Variants in IGLL1 observed in about 807,000 individuals in gnomAD.
IGLL1 encodes the protein immunoglobulin lambda-like polypeptide 1.
IGLL1 carries 10 observed loss-of-function variants against 10.5 expected under a neutral mutation model. The ratio of observed to expected loss-of-function variants is 0.95; its 90% confidence interval spans 0.59 to 1.62. IGLL1 has a LOEUF of 1.62. IGLL1 is among the 40% of genes most tolerant of loss of function. The pLI is 0.00. For missense variants in IGLL1, 284 were observed against 278.7 expected, an observed-to-expected ratio of 1.02 and a Z score of -0.14; for synonymous variants, 141 against 122.7, an observed-to-expected ratio of 1.15 and a Z score of -0.99.
intron 2 of IGLL1, 46 bp downstream of exon 2, chr22:23,574,921 A>C: frequency 3.8e-6 from 5 of 1,314,188 alleles, no homozygotes; most frequent in African/African-American, 1.5e-5. Flanking sequence ...CACATTTTCC[A>C]GAGACAGGAG....
chr22:23,579,902 C>G lies in IGLL1; in HGVS notation c.206+83G>C, dbSNP rs1925252469. 9 of 1,161,968 alleles carry G rather than the reference C, an allele frequency of 7.7e-6. No homozygotes were observed. The East Asian group carries it at 2.3e-4, about 30-fold the overall frequency. The allele number at this position is 1,161,968 out of a possible 1,614,324, so 72.0% of individuals were successfully genotyped here. On this transcript the variant is annotated intron_variant, in intron 1 of 2. Transcript: ENST00000330377. Reference sequence around the variant, plus strand: ...CCAGGGATTAACCTTCCTCCTCACCCCTCTGGCTCGTCTCCCCTTGGTCAT... The same window carrying G: ...CCAGGGATTAACCTTCCTCCTCACCGCTCTGGCTCGTCTCCCCTTGGTCAT...
Position 23,575,375 on chromosome 22 carries a change from C to T in IGLL1, c.207-293G>A, listed in dbSNP as rs556649447. On this transcript the variant is annotated intron_variant, in intron 1 of 2. Transcript: ENST00000330377. ...CGGACCTGTCCACCTCACTTGGCCT[C>T]ATTTTAAGGGCCTCTGAAATCTGCC... Among the ~76,000 whole-genome samples the T allele has an allele frequency of 5.9e-5, 9 of 152,260 alleles. No homozygotes were observed. The South Asian group carries it at 1.9e-3, about 32-fold the overall frequency.
At chr22:23,577,868 A>G (rs1401496472) in intron 1 of IGLL1, among the ~76,000 whole-genome samples, 3 of 148,452 alleles carry the variant, frequency 2.0e-5, no homozygotes, top group Non-Finnish European at 3.0e-5. Context: ...ACTCATATTC[A>G]TATCCCCCCC....
At chr22:23,574,757 G>A (rs898302155) in intron 2 of IGLL1, among the ~76,000 whole-genome samples, 1 of 152,170 alleles carries the variant, frequency 6.6e-6, no homozygotes, top group East Asian at 1.9e-4. Flanking sequence ...GCTGTGTCCT[G>A]CTGTTGGAAC....
In IGLL1 at chr22:23,578,792, T is replaced by TA. The variant is rs559191557; in HGVS notation, c.206+1192dup. 1.9e-3 allele frequency among the ~76,000 whole-genome samples: 290 copies of TA among 150,496 alleles called. 6 individuals carry two copies. The South Asian group carries it at 0.038, about 20-fold the overall frequency. ...CAACATGGTGAAACTCTGTCTTTAC[T>TA]AAAAAAAAATACACAAAATTAGCCA... is the stretch of plus-strand genomic sequence containing the variant. On this transcript the variant is annotated intron_variant, in intron 1 of 2. Coordinates refer to ENST00000330377, the MANE Select transcript of IGLL1 (RefSeq NM_020070.4).
rs140474399 is a variant in IGLL1, at chr22:23,575,324, T to C, written c.207-242A>G. On this transcript the variant is annotated intron_variant, in intron 1 of 2. Transcript: ENST00000330377. ...CACATCCCCTCAGGCAGCTGTGCCG[T>C]GTGGCTGAGGAGTCCTCAGCTGGCT... 0.071 allele frequency among the ~76,000 whole-genome samples: 10,825 copies of C among 152,102 alleles called. 1,076 individuals are homozygous for C. The highest frequency in any genetic ancestry group is 0.22 in the African/African-American group (9,014 of 41,420).
chr22:23,574,819 C>T (rs1365455477), intron 2 of IGLL1, 148 bp downstream of exon 2: 11 of 702,736 alleles, frequency 1.6e-5, no homozygotes, highest in Non-Finnish European at 2.8e-5. Context: ...TACCCTGAGA[C>T]TAACACATCT....
At chr22:23,573,708 C>T in intron 2 of IGLL1, 123 bp from the exon 3 acceptor site, 2 of 706,640 alleles carry the variant, frequency 2.8e-6, no homozygotes, top group Non-Finnish European at 2.5e-6. Context: ...CCCAGGGCCT[C>T]TCCTTCCCTC....
At position 23,573,616 on chromosome 22, in the gene IGLL1, G is replaced by T. The variant is rs574665815; in HGVS notation, c.323-31C>A. 99 of 1,530,900 alleles carry T rather than the reference G, an allele frequency of 6.5e-5. No individual in the cohort carries two copies. The East Asian group carries it at 2.1e-3, about 32-fold the overall frequency. The allele number at this position is 1,530,900 out of a possible 1,614,324, so 94.8% of individuals were successfully genotyped here. A position where few individuals can be genotyped will look rare whatever the true frequency, so the allele number is the denominator to read the frequency against. Reference sequence around the variant, plus strand: ...TGGACAGAGGAGGGGGTGAGAGATGGCAGAGGGAGTGTGGGGTGTTGTGGA... The same window carrying T: ...TGGACAGAGGAGGGGGTGAGAGATGTCAGAGGGAGTGTGGGGTGTTGTGGA... On this transcript the variant is annotated intron_variant, in intron 2 of 2. Coordinates refer to ENST00000330377, the MANE Select transcript of IGLL1 (RefSeq NM_020070.4).
In IGLL1 at chr22:23,573,175, G is replaced by T; in HGVS notation, c.*91C>A. On this transcript the variant is annotated 3_prime_UTR_variant, in exon 3 of 3. Transcript: ENST00000330377. ...ATTTAGGGTTTACTGGGTACAGGGA[G>T]AAGGGCTGGATGGCTTGGGATGCAG... 8.2e-7 allele frequency: 1 copy of T among 1,216,824 alleles called. No individual in the cohort carries two copies. The highest frequency in any genetic ancestry group is 1.2e-6 in the Non-Finnish European group (1 of 823,598). The allele number at this position is 1,216,824 out of a possible 1,614,324, so 75.4% of individuals were successfully genotyped here.
chr22:23,580,086 G>T lies in IGLL1; in HGVS notation c.105C>A (p.Thr35=). Residue 35 remains threonine (T), a synonymous_variant, in exon 1 of 3, where the codon ACC becomes ACA. Coordinates refer to ENST00000330377, the MANE Select transcript of IGLL1 (RefSeq NM_020070.4). ...CAGCTGTTGGGCGCAGCAGGCCATG[G>T]GTTACCACGGCCAGACCCAGCAGCA... ...PLLLLGLAVV[T]HGLLRPTAAS... The T allele has an allele frequency of 6.4e-7, 1 of 1,571,624 alleles. No homozygotes were observed. The highest frequency in any genetic ancestry group is 2.3e-5 in the East Asian group (1 of 43,094).
chr22:23,579,082 T>C (rs1925202769), intron 1 of IGLL1, among the ~76,000 whole-genome samples: 1 of 151,898 alleles, frequency 6.6e-6, no homozygotes, highest in African/African-American at 2.4e-5. Context: ...AGCTTGGGCC[T>C]TAGAATCTGT....
At chr22:23,573,719 C>T (rs1367110815) in intron 2 of IGLL1, 134 bp from the exon 3 acceptor site, 8 of 680,512 alleles carry the variant, frequency 1.2e-5, no homozygotes, top group Middle Eastern at 4.1e-4. Context: ...TCCTTCCCTC[C>T]TCATTCCCTC....
chr22:23,576,079 G>A (rs921326815), intron 1 of IGLL1, among the ~76,000 whole-genome samples: 6 of 152,046 alleles, frequency 3.9e-5, no homozygotes, highest in African/African-American at 1.2e-4. Context: ...TTGCCCAGTG[G>A]GCTACCCAAC....
chr22:23,574,480 G>A (rs1177205180), intron 2 of IGLL1, among the ~76,000 whole-genome samples: 1 of 152,064 alleles, frequency 6.6e-6, no homozygotes, highest in Non-Finnish European at 1.5e-5. Context: ...AGAGGCCACA[G>A]AGCTGCAGCC....
intron 1 of IGLL1, among the ~76,000 whole-genome samples, chr22:23,575,588 A>G (rs952374195): frequency 3.3e-5 from 5 of 152,070 alleles, no homozygotes; most frequent in African/African-American, 4.8e-5. Context: ...CCATCTGTCC[A>G]TCTATGCATC....
chr22:23,573,149 T>C lies in IGLL1; in HGVS notation c.*117A>G. ...ATTTCTGGTTGACAAAGAGGGTATTTATTTAGGGTTTACTGGGTACAGGGA... is the reference window on the plus strand; with the variant it reads ...ATTTCTGGTTGACAAAGAGGGTATTCATTTAGGGTTTACTGGGTACAGGGA... On this transcript the variant is annotated 3_prime_UTR_variant, in exon 3 of 3. Transcript: ENST00000330377. 4.6e-6 allele frequency: 4 copies of C among 868,358 alleles called. No homozygotes were observed. Among genetic ancestry groups the C allele is most frequent in the Non-Finnish European group, 3.7e-6 (2 of 533,972 alleles). The allele number at this position is 868,358 out of a possible 1,614,324, so 53.8% of individuals were successfully genotyped here. A position where few individuals can be genotyped will look rare whatever the true frequency, so the allele number is the denominator to read the frequency against.
intron 1 of IGLL1, 106 bp downstream of exon 1, chr22:23,579,879 A>T: frequency 1.1e-6 from 1 of 874,108 alleles, no homozygotes; most frequent in Non-Finnish European, 1.7e-6. Context: ...GCTCCCCTCC[A>T]GGGATTAACC....
Position 23,575,065 on chromosome 22 carries a change from C to T in IGLL1, c.224G>A (p.Gly75Asp). 1.2e-6 allele frequency: 2 copies of T among 1,613,920 alleles called. No homozygotes were observed. Among genetic ancestry groups the T allele is most frequent in the Non-Finnish European group, 8.5e-7 (1 of 1,179,830 alleles). Residue 75 changes from glycine to aspartate, a missense_variant, in exon 2 of 3, where the codon GGC (glycine) becomes GAC (aspartate). Gly to Asp is a moderately conservative substitution (Grantham distance 94). Transcript: ENST00000330377. ...SRWGRFLLQR[G>D]SWTGPRCWPR... is the part of the protein sequence containing the mutation. ...CCAGCACCTGGGGCCAGTCCAGGAG[C>T]CGCGCTGGAGCAGGAACCTGCTGGG...
Sources: allele counts gnomAD v4.1 joint callset (sites outside exome capture counted in the v4.1 genomes callset), GRCh38; gene constraint gnomAD v4.1.1; transcripts MANE v1.5; gene names NCBI Gene and HGNC (gene_info 2026-07-23, HGNC 2026-07-21).